The following FN1 variants were observed in gnomAD, a reference collection of about 807,000 sequenced individuals.
FN1 encodes fibronectin 1, also known as fibronectin.
Under a neutral mutation model 297.3 loss-of-function variants are expected in FN1, and 106 were observed. The observed-to-expected ratio is 0.36, with a 90% CI of 0.30 to 0.42. FN1 has a LOEUF of 0.42. Ranked by LOEUF, FN1 falls within the 10% of genes least tolerant of loss-of-function variation. The pLI is 1.00. For synonymous variants in FN1, 1,149 were observed against 1,152.6 expected (o/e 1.00, Z 0.06); for missense variants, 2,690 against 3,124.9 (o/e 0.86, Z 3.32).
intron 43 of FN1, 131 bp downstream of exon 43, chr2:215,365,374 A>G: frequency 1.0e-6 from 1 of 1,000,480 alleles, no homozygotes; most frequent in South Asian, 1.3e-5. Context: ...AAATCAAAAG[A>G]TTAAGAAACC....
intron 10 of FN1, among the ~76,000 whole-genome samples, 158 bp downstream of exon 10, chr2:215,421,933 C>T (rs909778190): frequency 6.6e-6 from 1 of 152,164 alleles, no homozygotes; most frequent in Non-Finnish European, 1.5e-5. Context: ...CCTGCTAAGC[C>T]TTTCAGGCTT....
At position 215,383,308 on chromosome 2, in the gene FN1, G is replaced by C. The variant is rs376065820; in HGVS notation, c.5050+20C>G. On this transcript the variant is annotated intron_variant, in intron 31 of 45. Coordinates refer to ENST00000354785, the MANE Select transcript of FN1 (RefSeq NM_212482.4). ...TAGGAGTGAGCCACCGCACCTGGCC[G>C]AGATGCAGATGATTCTTACCTGGAC... 6.2e-7 allele frequency: 1 copy of C among 1,613,464 alleles called. No homozygotes were observed. Among genetic ancestry groups the C allele is most frequent in the Non-Finnish European group, 8.5e-7 (1 of 1,179,470 alleles).
At chr2:215,426,871 TTTTTA>T (rs936616732) in intron 6 of FN1, among the ~76,000 whole-genome samples, 90 of 152,186 alleles carry the variant, frequency 5.9e-4, no homozygotes, top group African/African-American at 4.1e-4. Context: ...TTTTTTTTAT[TTTTTA>T]TTTTATTTTA....
At chr2:215,387,034 A>G (rs2059118709) in intron 27 of FN1, 76 bp from the exon 28 acceptor site, 1 of 1,356,718 alleles carries the variant, frequency 7.4e-7, no homozygotes, top group Admixed American at 2.2e-5. Context: ...AGGAAGGTGT[A>G]GGGGAAATTA....
chr2:215,393,970 A>G (rs1452812055), intron 24 of FN1, among the ~76,000 whole-genome samples: 1 of 152,238 alleles, frequency 6.6e-6, no homozygotes, highest in Non-Finnish European at 1.5e-5. Context: ...TCAAGCCACA[A>G]GAAAGAACAC....
chr2:215,420,210 A>G (rs565308279), intron 11 of FN1, among the ~76,000 whole-genome samples: 32 of 152,116 alleles, frequency 2.1e-4, no homozygotes, highest in Admixed American at 1.6e-3. Flanking sequence ...CTGGTGGCGC[A>G]TGCCTGTAAT....
Position 215,424,144 on chromosome 2 carries a change from A to T in FN1, c.1216+2T>A. The T allele has an allele frequency of 6.2e-7, 1 of 1,614,042 alleles. No individual in the cohort carries two copies. Among genetic ancestry groups the T allele is most frequent in the Non-Finnish European group, 8.5e-7 (1 of 1,179,944 alleles). On this transcript the variant is annotated splice_donor_variant, in intron 8 of 45. Coordinates refer to ENST00000354785, the MANE Select transcript of FN1 (RefSeq NM_212482.4). LOFTEE classifies it high-confidence loss of function. The stretch of plus-strand genomic sequence containing the variant: ...TCTGTGGCTCCCCCTTGGGACACTC[A>T]CCAGTGTGGTCTGTGCAGAAAGAGT...
chr2:215,414,744 AGTT>A (rs2063193559), intron 13 of FN1, 90 bp downstream of exon 13: 1 of 1,577,694 alleles, frequency 6.3e-7, no homozygotes, highest in Non-Finnish European at 8.6e-7. Context: ...AGTTAATCAG[AGTT>A]GTTGGCTCAA....
chr2:215,388,277 A>G lies in FN1; in HGVS notation c.4277T>C (p.Val1426Ala), dbSNP rs1456663635. 3 of 1,613,798 alleles carry G rather than the reference A, an allele frequency of 1.9e-6. No homozygotes were observed. The highest frequency in any genetic ancestry group is 1.3e-5 in the African/African-American group (1 of 75,056). ...LTNLLPGTEYVVSVSSVYEQH... is the reference protein window; with the variant it reads ...LTNLLPGTEYAVSVSSVYEQH... ...TTCGTAGACACTGGAGACACTCACT[A>G]CATATTCTGTACCAGGCAGGAGATC... is the stretch of plus-strand genomic sequence containing the variant. The change falls in exon 27 of 46, where the codon GTA (valine) becomes GCA (alanine). Residue 1426 changes from valine to alanine, a missense_variant. By Grantham distance (64) the Val-to-Ala change is moderately conservative. Transcript: ENST00000354785.
At chr2:215,413,409 C>G (rs931481935) in intron 13 of FN1, among the ~76,000 whole-genome samples, 3 of 152,202 alleles carry the variant, frequency 2.0e-5, no homozygotes, top group African/African-American at 7.2e-5. Flanking sequence ...GTGAGCCACT[C>G]TACCCAGCCA....
At chr2:215,383,553 C>G in intron 30 of FN1, 70 bp from the exon 31 acceptor site, 2 of 1,482,670 alleles carry the variant, frequency 1.3e-6, no homozygotes, top group Non-Finnish European at 1.9e-6. Context: ...AAGTCCTCCT[C>G]TCTAGGTCTG....
chr2:215,376,568 G>A lies in FN1; in HGVS notation c.5817C>T (p.Ala1939=), dbSNP rs759722671. 5 of 1,613,848 alleles carry A rather than the reference G, an allele frequency of 3.1e-6. No homozygotes were observed. The highest frequency in any genetic ancestry group is 1.7e-5 in the Admixed American group (1 of 59,988). ...TTGGAGTCTGGCCATTGGCTGGAAC[G>A]GCATCAACTTGGAAGCCAGTGATCG... The part of the protein sequence containing the change: ...TETITGFQVD[A]VPANGQTPIQ... The change falls in exon 36 of 46, where the codon GCC becomes GCT. Residue 1939 remains alanine, a synonymous_variant. Coordinates refer to ENST00000354785, the MANE Select transcript of FN1 (RefSeq NM_212482.4).
rs1166751185 is a variant in FN1, at chr2:215,361,068, C to T, written c.*487G>A. On this transcript the variant is annotated 3_prime_UTR_variant, in exon 46 of 46. Coordinates refer to ENST00000354785, the MANE Select transcript of FN1 (RefSeq NM_212482.4). ...CAGGTAAGAGAAAGATATTTCTAGG[C>T]AATTACTAGGATCATTTGGAAAAAG... 1.3e-5 allele frequency: 2 copies of T among 155,856 alleles called. No individual in the cohort carries two copies. The highest frequency in any genetic ancestry group is 4.8e-5 in the African/African-American group (2 of 41,412). The allele number at this position is 155,856 out of a possible 1,614,324, so 9.7% of individuals were successfully genotyped here.
intron 27 of FN1, among the ~76,000 whole-genome samples, chr2:215,387,393 C>G (rs556106020): frequency 6.6e-6 from 1 of 152,130 alleles, no homozygotes; most frequent in Non-Finnish European, 1.5e-5. Flanking sequence ...ATGTTTGACT[C>G]TCAGAGAAGC....
In FN1 at chr2:215,399,245, T is replaced by C. The variant is rs765298961; in HGVS notation, c.3348+12A>G. 9 of 1,587,550 alleles carry C rather than the reference T, an allele frequency of 5.7e-6. No individual in the cohort carries two copies. In the African/African-American group the frequency reaches 9.4e-5, roughly 17 times the overall value. ...GGCTGTATCACAGAGATTAGGAACA[T>C]CTGCAGTTTACCTTAAAACCAATTC... On this transcript the variant is annotated intron_variant, in intron 21 of 45. Coordinates refer to ENST00000354785, the MANE Select transcript of FN1 (RefSeq NM_212482.4).
chr2:215,419,909 T>A (rs970128420), intron 11 of FN1, among the ~76,000 whole-genome samples: 4 of 152,198 alleles, frequency 2.6e-5, no homozygotes, highest in Non-Finnish European at 4.4e-5. Flanking sequence ...AACAAACGGA[T>A]GTTATCAGTT....
intron 29 of FN1, chr2:215,384,391 T>C: frequency 1.0e-5 from 6 of 582,290 alleles, no homozygotes; most frequent in Non-Finnish European, 1.8e-5. Flanking sequence ...AAATTACAGT[T>C]AGCGCTGTTT....
At chr2:215,375,570 G>T in intron 37 of FN1, 59 bp downstream of exon 37, 1 of 1,353,866 alleles carries the variant, frequency 7.4e-7, no homozygotes, top group Non-Finnish European at 1.1e-6. Flanking sequence ...TGTTTTTTGA[G>T]TTCATGAAAC....
At chr2:215,424,083 A>T in intron 8 of FN1, 63 bp downstream of exon 8, 4 of 1,529,802 alleles carry the variant, frequency 2.6e-6, no homozygotes, top group Non-Finnish European at 3.6e-6. Flanking sequence ...AATGCTGGCA[A>T]ATAAAACTAG....
Sources: gnomAD v4.1 joint callset for allele counts (sites outside exome capture counted in the v4.1 genomes callset) on GRCh38, gnomAD v4.1.1 for gene constraint, MANE v1.5 for transcripts, NCBI Gene and HGNC (gene_info 2026-07-23, HGNC 2026-07-21) for gene names.